Variants in PACRGL observed in about 807,000 individuals in gnomAD.
PACRGL encodes PACRG-like protein.
In PACRGL, 38 loss-of-function variants were observed where a neutral mutation model predicts 34.5. The ratio of observed to expected loss-of-function variants is 1.10; its 90% CI spans 0.85 to 1.44. The LOEUF is 1.44. Ranked by LOEUF, PACRGL falls within the 40% of genes most tolerant of loss-of-function variation. PACRGL has a pLI of 0.00. For synonymous variants in PACRGL, 128 were observed against 100.1 expected, an observed-to-expected ratio of 1.28 and a Z score of -1.66; for missense variants, 305 against 281.4, an observed-to-expected ratio of 1.08 and a Z score of -0.60.
intron 7 of PACRGL, among the ~76,000 whole-genome samples, chr4:20,713,952 T>G (rs544025040): frequency 6.6e-6 from 1 of 152,276 alleles, no homozygotes; most frequent in East Asian, 1.9e-4. Flanking sequence ...TGTGGTGTGG[T>G]GCTGAAAAAA....
At position 20,729,160 on chromosome 4, in the gene PACRGL, A is replaced by AAGTC. The variant is rs900028873; in HGVS notation, c.*1822_*1825dup. 6.6e-6 allele frequency: 1 copy of AAGTC among 152,522 alleles called. No individual in the cohort carries two copies. Among genetic ancestry groups the AAGTC allele is most frequent in the African/African-American group, 2.4e-5 (1 of 41,370 alleles). 9.4% of individuals were successfully genotyped at this position (152,522 alleles called of 1,614,324 possible). A position where few individuals can be genotyped will look rare whatever the true frequency, so the allele number is the denominator to read the frequency against. On this transcript the variant is annotated 3_prime_UTR_variant, in exon 9 of 9. Transcript: ENST00000503585. ...TAATATAAATAAACATGCTGTAAGG[A>AAGTC]AGTCAGGGGAAAGAGGACAGATTTG...
chr4:20,744,322 C>G (rs572214740), intron 8 of PACRGL, among the ~76,000 whole-genome samples: 3 of 152,124 alleles, frequency 2.0e-5, no homozygotes, highest in Non-Finnish European at 4.4e-5. Flanking sequence ...ATGTTTATTG[C>G]GGCACTATTC....
At chr4:20,723,346 A>G (rs1232131972) in intron 7 of PACRGL, among the ~76,000 whole-genome samples, 1 of 152,186 alleles carries the variant, frequency 6.6e-6, no homozygotes, top group African/African-American at 2.4e-5. Flanking sequence ...AGGTATGCCA[A>G]GCAGTGAGAA....
intron 4 of PACRGL, among the ~76,000 whole-genome samples, chr4:20,708,807 C>A (rs1230790017): frequency 6.6e-6 from 1 of 151,998 alleles, no homozygotes; most frequent in African/African-American, 2.4e-5. Context: ...TAAAAACATA[C>A]CAAATTGTAT....
At chr4:20,708,973 A>AG (rs1298555814) in intron 4 of PACRGL, among the ~76,000 whole-genome samples, 48 of 151,676 alleles carry the variant, frequency 3.2e-4, no homozygotes, top group African/African-American at 1.1e-3. Flanking sequence ...CTTAAAAAAA[A>AG]AAAAAAAAAT....
At position 20,732,128 on chromosome 4, in the gene PACRGL, G is replaced by T. The variant is rs1483511401; in HGVS notation, c.*4787G>T. 8.8e-7 allele frequency: 1 copy of T among 1,135,776 alleles called. No homozygotes were observed. Among genetic ancestry groups the T allele is most frequent in the Non-Finnish European group, 1.3e-6 (1 of 758,916 alleles). The allele number at this position is 1,135,776 out of a possible 1,614,324, so 70.4% of individuals were successfully genotyped here. A position where few individuals can be genotyped will look rare whatever the true frequency, so the allele number is the denominator to read the frequency against. On this transcript the variant is annotated 3_prime_UTR_variant, in exon 9 of 9. Coordinates refer to ENST00000503585, the MANE Select transcript of PACRGL (RefSeq NM_001258345.3). ...TTATCCCTTAATACCCTCACACCTG[G>T]ACCAAATGAGCTGAAGCTGATAAAA...
At position 20,729,967 on chromosome 4, in the gene PACRGL, G is replaced by GCATAATATGCTTCAGTGT. The variant is rs1183174181; in HGVS notation, c.*2629_*2646dup. ...CTTTATATTAAAACAAAGCTTGTTT[G>GCATAATATGCTTCAGTGT]CATAATATGCTTCAGTGTCAAGCTG... is the stretch of plus-strand genomic sequence containing the variant. On this transcript the variant is annotated 3_prime_UTR_variant, in exon 9 of 9. Transcript: ENST00000503585. The GCATAATATGCTTCAGTGT allele has an allele frequency of 1.6e-6, 2 of 1,227,138 alleles. No individual in the cohort carries two copies. Among genetic ancestry groups the GCATAATATGCTTCAGTGT allele is most frequent in the Non-Finnish European group, 2.2e-6 (2 of 907,056 alleles). 76.0% of individuals were successfully genotyped at this position (1,227,138 alleles called of 1,614,324 possible).
intron 8 of PACRGL, among the ~76,000 whole-genome samples, chr4:20,742,030 A>G (rs1751243060): frequency 6.6e-6 from 1 of 152,202 alleles, no homozygotes; most frequent in African/African-American, 2.4e-5. Context: ...AAGAAGTTGA[A>G]TCCCTGAATA....
chr4:20,699,208 G>A (rs1045815966), upstream of PACRGL, among the ~76,000 whole-genome samples: 1 of 150,460 alleles, frequency 6.6e-6, no homozygotes, highest in African/African-American at 2.5e-5. Flanking sequence ...AGTAGCTGAA[G>A]ATACAGGATA....
intron 1 of PACRGL, chr4:20,702,538 G>T: frequency 5.8e-6 from 1 of 171,340 alleles, no homozygotes; most frequent in Non-Finnish European, 1.3e-5. Flanking sequence ...CTCCCATTAT[G>T]GAAATGTTGT....
chr4:20,710,318 A>G (rs1354915487), intron 5 of PACRGL, among the ~76,000 whole-genome samples: 2 of 152,190 alleles, frequency 1.3e-5, no homozygotes, highest in Non-Finnish European at 2.9e-5. Flanking sequence ...TATATAATTT[A>G]ACATTTGTGT....
At chr4:20,739,834 T>C (rs192817535) in intron 8 of PACRGL, among the ~76,000 whole-genome samples, 1 of 152,200 alleles carries the variant, frequency 6.6e-6, no homozygotes. Flanking sequence ...ACAAAGAAGC[T>C]AAAAACCTTG....
upstream of PACRGL, chr4:20,696,503 G>A (rs1731250959): frequency 6.6e-6 from 1 of 152,186 alleles, no homozygotes; most frequent in Non-Finnish European, 1.5e-5. Flanking sequence ...ACAATTCCAA[G>A]GAGAGAAAGG....
chr4:20,724,753 G>T, intron 7 of PACRGL, 55 bp from the exon 8 acceptor site: 2 of 1,017,476 alleles, frequency 2.0e-6, no homozygotes, highest in East Asian at 2.9e-5. Flanking sequence ...TATGCGTATG[G>T]TGAGCATTGT....
chr4:20,713,032 A>G lies in PACRGL; in HGVS notation c.501+110A>G. On this transcript the variant is annotated intron_variant, in intron 6 of 8. Coordinates refer to ENST00000503585, the MANE Select transcript of PACRGL (RefSeq NM_001258345.3). ...TTTCCCTCCATATTATATGCAAAGT[A>G]GTCCTTTATCTGTGATTCTGACACA... 4.5e-6 allele frequency: 5 copies of G among 1,116,832 alleles called. No homozygotes were observed. The South Asian group carries it at 9.5e-5, about 21-fold the overall frequency. The allele number at this position is 1,116,832 out of a possible 1,614,324, so 69.2% of individuals were successfully genotyped here.
the PACRGL span, chr4:20,758,774 T>A: frequency 6.9e-7 from 1 of 1,439,958 alleles, no homozygotes; most frequent in Non-Finnish European, 9.7e-7. Context: ...ACTGCAAGCA[T>A]AATTGTAACT....
chr4:20,709,587 A>G lies in PACRGL; in HGVS notation c.276-96A>G, dbSNP rs770658570. ...AGTTATGGTATTCCTACATGTTACAAAATAAATCTGATATGGTTATACTGT... is the reference window on the plus strand; with the variant it reads ...AGTTATGGTATTCCTACATGTTACAGAATAAATCTGATATGGTTATACTGT... On this transcript the variant is annotated intron_variant, in intron 4 of 8. Transcript: ENST00000503585. The G allele has an allele frequency of 5.3e-6, 4 of 752,670 alleles. No individual in the cohort carries two copies. The African/African-American group carries it at 5.3e-5, about 10-fold the overall frequency. 46.6% of individuals were successfully genotyped at this position (752,670 alleles called of 1,614,324 possible). A position where few individuals can be genotyped will look rare whatever the true frequency, so the allele number is the denominator to read the frequency against.
At chr4:20,697,507 G>C (rs538639914), upstream of PACRGL, among the ~76,000 whole-genome samples, 2 of 152,226 alleles carry the variant, frequency 1.3e-5, no homozygotes, top group South Asian at 4.1e-4. Flanking sequence ...AACAAAAATA[G>C]GGCAATTTGA....
chr4:20,717,275 C>T (rs1444594948), intron 7 of PACRGL, among the ~76,000 whole-genome samples: 2 of 152,022 alleles, frequency 1.3e-5, no homozygotes, highest in African/African-American at 2.4e-5. Flanking sequence ...TTTTCCCATT[C>T]TGTAGGTTGC....
Sources: gnomAD v4.1 joint callset for allele counts (sites outside exome capture counted in the v4.1 genomes callset) on GRCh38, gnomAD v4.1.1 for gene constraint, MANE v1.5 for transcripts, NCBI Gene and HGNC (gene_info 2026-07-23, HGNC 2026-07-21) for gene names.